The following DIAPH3 variants were observed in gnomAD, a reference collection of about 807,000 sequenced individuals.
DIAPH3 encodes the protein protein diaphanous homolog 3.
In DIAPH3, 117 loss-of-function variants were observed where a neutral mutation model predicts 144.3. The observed-to-expected ratio is 0.81, with a 90% CI of 0.70 to 0.95. The LOEUF (loss-of-function observed/expected upper bound fraction) is 0.95. Among genes scored for constraint, DIAPH3 ranks in the 40% least tolerant of loss-of-function variants. The pLI, the probability that DIAPH3 is intolerant of heterozygous loss-of-function variation, is 0.00. For missense variants in DIAPH3, 1,421 were observed against 1,412.7 expected, an observed-to-expected ratio of 1.01 and a Z score of -0.09; for synonymous variants, 519 against 488.9, an observed-to-expected ratio of 1.06 and a Z score of -0.81.
intron 27 of DIAPH3, among the ~76,000 whole-genome samples, chr13:59,772,796 G>A (rs1442219902): frequency 1.3e-5 from 2 of 151,938 alleles, no homozygotes; most frequent in Admixed American, 6.6e-5. Flanking sequence ...GACTTAAAGT[G>A]GGGGCTGAGT....
At chr13:59,844,467 G>A (rs2042518955) in intron 22 of DIAPH3, among the ~76,000 whole-genome samples, 1 of 146,310 alleles carries the variant, frequency 6.8e-6, no homozygotes, top group South Asian at 2.1e-4. Flanking sequence ...TCGCGCCACT[G>A]CACTCCAGCC....
chr13:60,132,332 AC>A (rs1185119770), intron 2 of DIAPH3, among the ~76,000 whole-genome samples: 1 of 151,978 alleles, frequency 6.6e-6, no homozygotes, highest in Non-Finnish European at 1.5e-5. Flanking sequence ...TTCCTCTATA[AC>A]ACACTTACAT....
chr13:60,146,181 T>C (rs573611194), intron 1 of DIAPH3, among the ~76,000 whole-genome samples: 21 of 152,252 alleles, frequency 1.4e-4, no homozygotes, highest in Non-Finnish European at 2.6e-4. Context: ...ACGCATAAGA[T>C]GTAGGTTACC....
chr13:59,928,745 AG>A (rs1245120220), intron 17 of DIAPH3, among the ~76,000 whole-genome samples: 2 of 152,152 alleles, frequency 1.3e-5, no homozygotes, highest in Admixed American at 6.5e-5. Flanking sequence ...GCCAAACCCA[AG>A]GTGGGTCTGT....
At chr13:59,744,140 A>C (rs1048167256) in intron 27 of DIAPH3, among the ~76,000 whole-genome samples, 1 of 152,234 alleles carries the variant, frequency 6.6e-6, no homozygotes, top group African/African-American at 2.4e-5. Context: ...CTGCATGTAT[A>C]TAACTTTTCA....
At chr13:59,704,860 AT>A (rs2034327703) in intron 27 of DIAPH3, among the ~76,000 whole-genome samples, 1 of 152,118 alleles carries the variant, frequency 6.6e-6, no homozygotes. Context: ...GTCTGACTAT[AT>A]TTTATTTATT....
chr13:60,153,194 T>G (rs961462735), intron 1 of DIAPH3, among the ~76,000 whole-genome samples: 2 of 152,080 alleles, frequency 1.3e-5, no homozygotes, highest in African/African-American at 4.8e-5. Flanking sequence ...TAGGAAGAGT[T>G]CAGTTCCAAA....
chr13:60,153,125 G>C (rs1239445424), intron 1 of DIAPH3, among the ~76,000 whole-genome samples: 1 of 151,924 alleles, frequency 6.6e-6, no homozygotes, highest in Non-Finnish European at 1.5e-5. Flanking sequence ...TACCAATATG[G>C]TTCTCAATGA....
intron 27 of DIAPH3, among the ~76,000 whole-genome samples, chr13:59,674,095 A>T (rs1050426460): frequency 6.6e-6 from 1 of 152,174 alleles, no homozygotes; most frequent in Non-Finnish European, 1.5e-5. Flanking sequence ...CTTTTAGAGG[A>T]CTGTGACCTG....
At chr13:60,088,436 GCTTC>G (rs2057824051) in intron 4 of DIAPH3, among the ~76,000 whole-genome samples, 1 of 151,850 alleles carries the variant, frequency 6.6e-6, no homozygotes, top group Non-Finnish European at 1.5e-5. Context: ...CTGCCCCTCT[GCTTC>G]CTTCAAGAAT....
intron 5 of DIAPH3, among the ~76,000 whole-genome samples, chr13:60,021,521 G>A (rs142428911): frequency 1.1e-3 from 167 of 152,196 alleles, no homozygotes; most frequent in African/African-American, 3.8e-3. Context: ...CTACTTGGGA[G>A]GCTGAGGCAG....
At chr13:59,856,862 T>C (rs778703913) in intron 22 of DIAPH3, among the ~76,000 whole-genome samples, 4 of 150,500 alleles carry the variant, frequency 2.7e-5, no homozygotes, top group Non-Finnish European at 4.4e-5. Context: ...CCACCAACAA[T>C]GTAACCTATT....
intron 27 of DIAPH3, among the ~76,000 whole-genome samples, chr13:59,758,053 G>A (rs1335129792): frequency 6.6e-6 from 1 of 152,086 alleles, no homozygotes; most frequent in African/African-American, 2.4e-5. Context: ...TAGAAGAAAT[G>A]CAAATCAAAA....
chr13:59,949,649 G>A (rs2048997381), intron 17 of DIAPH3, among the ~76,000 whole-genome samples: 1 of 152,136 alleles, frequency 6.6e-6, no homozygotes, highest in African/African-American at 2.4e-5. Flanking sequence ...TAGCACAGCT[G>A]AGTAGCTGTG....
chr13:59,672,447 G>A (rs148321008), intron 27 of DIAPH3, among the ~76,000 whole-genome samples: 282 of 152,212 alleles, frequency 1.9e-3, no homozygotes, highest in African/African-American at 6.3e-3. Flanking sequence ...GTCTCTCCTC[G>A]CAATTCTTTA....
intron 25 of DIAPH3, among the ~76,000 whole-genome samples, chr13:59,785,703 C>A (rs1003961831): frequency 9.9e-5 from 15 of 152,142 alleles, no homozygotes; most frequent in African/African-American, 3.6e-4. Context: ...CTCCTTCCTT[C>A]CACAGAGGCT....
At chr13:59,925,937 A>G (rs1014506392) in intron 17 of DIAPH3, among the ~76,000 whole-genome samples, 1 of 151,996 alleles carries the variant, frequency 6.6e-6, no homozygotes, top group African/African-American at 2.4e-5. Context: ...TGGTTTATCA[A>G]TTTAATTTAA....
intron 17 of DIAPH3, among the ~76,000 whole-genome samples, chr13:59,954,800 G>T (rs1218802226): frequency 2.0e-5 from 3 of 152,040 alleles, no homozygotes; most frequent in Non-Finnish European, 4.4e-5. Flanking sequence ...AGGGAGTGAA[G>T]GGGAAGTAGC....
chr13:60,150,242 C>T (rs1289937085), intron 1 of DIAPH3, among the ~76,000 whole-genome samples: 2 of 152,024 alleles, frequency 1.3e-5, no homozygotes, highest in Admixed American at 6.5e-5. Context: ...CCAGGCTGGT[C>T]GTGAATTCCT....
Sources: allele counts gnomAD v4.1 joint callset (sites outside exome capture counted in the v4.1 genomes callset), GRCh38; gene constraint gnomAD v4.1.1; transcripts MANE v1.5; gene names NCBI Gene and HGNC (gene_info 2026-07-23, HGNC 2026-07-21).